The following CCN3 variants were observed in gnomAD, a reference collection of about 807,000 sequenced individuals.
The protein encoded by CCN3 is cellular communication network factor 3.
In CCN3, 20 loss-of-function variants were observed where a neutral mutation model predicts 33.4. That is an observed-to-expected ratio of 0.60 (90% CI 0.42 to 0.87). The LOEUF is 0.87. Ranked by LOEUF, CCN3 falls within the 40% of genes least tolerant of loss-of-function variation. The pLI is 0.00. For missense variants in CCN3, 465 were observed against 455.3 expected (o/e 1.02, Z -0.19); for synonymous variants, 205 against 170.4 (o/e 1.20, Z -1.58).
At position 119,423,039 on chromosome 8, in the gene CCN3, C is replaced by A; in HGVS notation, c.981C>A (p.Val327=). 1 of 1,614,158 alleles carries A rather than the reference C, an allele frequency of 6.2e-7. No homozygotes were observed. Among genetic ancestry groups the A allele is most frequent in the Non-Finnish European group, 8.5e-7 (1 of 1,180,026 alleles). ...PGQIVKKPVM[V]IGTCTCHTNC... is the part of the protein sequence containing the mutation. The stretch of plus-strand genomic sequence containing the variant: ...AAATAGTCAAGAAGCCAGTGATGGT[C>A]ATTGGGACCTGCACCTGTCACACCA... The change falls in exon 5 of 5, where the codon GTC becomes GTA. Residue 327 remains valine, a synonymous_variant. Transcript: ENST00000259526.
chr8:119,419,854 T>C (rs991933952), intron 4 of CCN3: 2 of 154,634 alleles, frequency 1.3e-5, no homozygotes, highest in African/African-American at 4.8e-5. Context: ...TTGTTGGTAT[T>C]TTTAAAAACC....
At position 119,419,252 on chromosome 8, in the gene CCN3, C is replaced by G. The variant is rs779588728; in HGVS notation, c.684C>G (p.Val228=). Residue 228 remains valine (V), a synonymous_variant, in exon 4 of 5, where the codon GTC becomes GTG. Transcript: ENST00000259526. Reference sequence around the variant, plus strand: ...GTGGTATGGGGTTCTCCACCCGGGTCACCAATAGGAACCGTCAATGTGAGA... The same window carrying G: ...GTGGTATGGGGTTCTCCACCCGGGTGACCAATAGGAACCGTCAATGTGAGA... The part of the protein sequence containing the change: ...KSCGMGFSTR[V]TNRNRQCEML... 1.2e-6 allele frequency: 2 copies of G among 1,614,104 alleles called. No homozygotes were observed. The highest frequency in any genetic ancestry group is 2.2e-5 in the South Asian group (2 of 91,080).
chr8:119,419,966 G>A (rs897252517), intron 4 of CCN3: 2 of 152,420 alleles, frequency 1.3e-5, no homozygotes, highest in African/African-American at 4.8e-5. Context: ...AACTCAGTAT[G>A]TTAACACTGA....
At chr8:119,417,504 C>G (rs16892525) in intron 2 of CCN3, among the ~76,000 whole-genome samples, 1 of 152,172 alleles carries the variant, frequency 6.6e-6, no homozygotes, top group African/African-American at 2.4e-5. Flanking sequence ...GCTTCTAAAA[C>G]GTAATCAGTC....
rs1168313796 is a variant in CCN3 at position 119,416,760 on chromosome 8, G to T, written c.101G>T (p.Arg34Leu). The T allele has an allele frequency of 6.3e-7, 1 of 1,589,334 alleles. No individual in the cohort carries two copies. The highest frequency in any genetic ancestry group is 8.6e-7 in the Non-Finnish European group (1 of 1,167,606). Residue 34 changes from arginine to leucine, a missense_variant, in exon 2 of 5, where the codon CGC (arginine) becomes CTC (leucine). Physicochemically the swap from Arg to Leu is moderately radical, Grantham distance 102. Transcript: ENST00000259526. The stretch of plus-strand genomic sequence containing the variant: ...TGCCTTCAGGTCGCTGCGACTCAGC[G>T]CTGCCCTCCCCAGTGCCCGGGCCGG... Reference protein sequence around the residue: ...HLLGQVAATQRCPPQCPGRCP... With the variant: ...HLLGQVAATQLCPPQCPGRCP...
Position 119,416,773 on chromosome 8 carries a change from G to C in CCN3, c.114G>C (p.Gln38His). The C allele has an allele frequency of 1.3e-6, 2 of 1,594,448 alleles. No individual in the cohort carries two copies. The highest frequency in any genetic ancestry group is 1.7e-6 in the Non-Finnish European group (2 of 1,170,408). Residue 38 changes from glutamine (Q) to histidine (H), a missense_variant, in exon 2 of 5, where the codon CAG (glutamine) becomes CAC (histidine). Physicochemically the swap from Gln to His is conservative, Grantham distance 24. Coordinates refer to ENST00000259526, the MANE Select transcript of CCN3 (RefSeq NM_002514.4). Reference protein sequence around the residue: ...QVAATQRCPPQCPGRCPATPP... With the variant: ...QVAATQRCPPHCPGRCPATPP... Reference sequence around the variant, plus strand: ...CTGCGACTCAGCGCTGCCCTCCCCAGTGCCCGGGCCGGTGCCCTGCGACGC... The same window carrying C: ...CTGCGACTCAGCGCTGCCCTCCCCACTGCCCGGGCCGGTGCCCTGCGACGC...
intron 2 of CCN3, 99 bp from the exon 3 acceptor site, chr8:119,417,959 G>A (rs2130452699): frequency 5.4e-6 from 7 of 1,292,872 alleles, no homozygotes; most frequent in Non-Finnish European, 7.6e-6. Context: ...CTTGGGTTTT[G>A]GAACATGCCC....
At position 119,418,223 on chromosome 8, in the gene CCN3, G is replaced by A. The variant is rs1820079699; in HGVS notation, c.476G>A (p.Arg159Lys). The change falls in exon 3 of 5, where the codon AGA becomes AAA. Residue 159 changes from arginine (R) to lysine (K), a missense_variant. By Grantham distance (26) the Arg-to-Lys change is conservative. Transcript: ENST00000259526. ...CCTGAGCCTAACTGCCCAGCTCCAAGAAAAGTTGAGGTGCCTGGAGAGTGC... is the reference window on the plus strand; with the variant it reads ...CCTGAGCCTAACTGCCCAGCTCCAAAAAAAGTTGAGGTGCCTGGAGAGTGC... The part of the protein sequence containing the change: ...LLPEPNCPAP[R>K]KVEVPGECCE... The A allele has an allele frequency of 6.2e-7, 1 of 1,614,094 alleles. No individual in the cohort carries two copies. The highest frequency in any genetic ancestry group is 1.1e-5 in the South Asian group (1 of 91,092).
chr8:119,417,244 A>C (rs940894021), intron 2 of CCN3: 3 of 424,756 alleles, frequency 7.1e-6, no homozygotes, highest in Non-Finnish European at 1.3e-5. Context: ...AGGGGGAGCC[A>C]CGCAGAGTTA....
At chr8:119,419,062 C>A in intron 3 of CCN3, 69 bp from the exon 4 acceptor site, 1 of 1,266,870 alleles carries the variant, frequency 7.9e-7, no homozygotes, top group Non-Finnish European at 1.1e-6. Context: ...CTAATAATGG[C>A]TGAAAAGGAC....
Position 119,422,908 on chromosome 8 carries a change from C to G in CCN3, c.850C>G (p.Leu284Val), listed in dbSNP as rs761296153. The G allele has an allele frequency of 6.2e-7, 1 of 1,614,134 alleles. No individual in the cohort carries two copies. The highest frequency in any genetic ancestry group is 8.5e-7 in the Non-Finnish European group (1 of 1,180,016). ...CCTGCAGTTCAAGAACTGCACCAGCCTGCACACCTACAAGCCCAGGTTCTG... is the reference window on the plus strand; with the variant it reads ...CCTGCAGTTCAAGAACTGCACCAGCGTGCACACCTACAAGCCCAGGTTCTG... ...IHLQFKNCTS[L>V]HTYKPRFCGV... is the part of the protein sequence containing the mutation. Residue 284 changes from leucine (L) to valine (V), a missense_variant, in exon 5 of 5, where the codon CTG becomes GTG. Coordinates refer to ENST00000259526, the MANE Select transcript of CCN3 (RefSeq NM_002514.4).
At chr8:119,419,997 A>G (rs538873738) in intron 4 of CCN3, 1 of 152,402 alleles carries the variant, frequency 6.6e-6, no homozygotes, top group South Asian at 2.1e-4. Context: ...TGCAGTTCAG[A>G]AGCTCTGATT....
chr8:119,417,364 A>T (rs1452492572), intron 2 of CCN3, among the ~76,000 whole-genome samples: 1 of 152,114 alleles, frequency 6.6e-6, no homozygotes, highest in African/African-American at 2.4e-5. Context: ...GTTGGGGAAA[A>T]CCCAGCAGGT....
intron 2 of CCN3, 140 bp downstream of exon 2, chr8:119,417,109 T>C (rs1236816388): frequency 1.2e-5 from 9 of 750,018 alleles, no homozygotes; most frequent in Non-Finnish European, 1.7e-5. Context: ...ATAGAGCACT[T>C]ACTGTGTGTC....
intron 3 of CCN3, 72 bp downstream of exon 3, chr8:119,418,381 T>C: frequency 1.3e-6 from 2 of 1,548,742 alleles, no homozygotes; most frequent in Non-Finnish European, 1.7e-6. Context: ...TTGCAATCTC[T>C]TGGATTTGAA....
In CCN3 at chr8:119,419,340, G is replaced by A; in HGVS notation, c.772G>A (p.Asp258Asn). ...TGAACAAGAGCCAGAGCAGCCAACA[G>A]ATAAGGTAGGAGCCTGGAGGAAACC... ...PCEQEPEQPT[D>N]KKGKKCLRTK... Residue 258 changes from aspartate (D) to asparagine (N), a missense_variant, in exon 4 of 5, where the codon GAT becomes AAT. By Grantham distance (23) the Asp-to-Asn change is conservative. Transcript: ENST00000259526. 1 of 1,613,294 alleles carries A rather than the reference G, an allele frequency of 6.2e-7. No homozygotes were observed. Among genetic ancestry groups the A allele is most frequent in the South Asian group, 1.1e-5 (1 of 91,046 alleles).
rs1820058683 is a variant in CCN3 at position 119,416,900 on chromosome 8, T to C, written c.241T>C (p.Cys81Arg). 4 of 1,613,870 alleles carry C rather than the reference T, an allele frequency of 2.5e-6. No homozygotes were observed. In the African/African-American group the frequency reaches 4.0e-5, roughly 16 times the overall value. ...RGESCSDLEPCDESSGLYCDR... is the reference protein window; with the variant it reads ...RGESCSDLEPRDESSGLYCDR... ...CGAGAGCTGCTCAGATCTGGAGCCA[T>C]GCGACGAGAGCAGTGGCCTCTACTG... Residue 81 changes from cysteine to arginine, a missense_variant, in exon 2 of 5, where the codon TGC becomes CGC. Coordinates refer to ENST00000259526, the MANE Select transcript of CCN3 (RefSeq NM_002514.4).
intron 4 of CCN3, among the ~76,000 whole-genome samples, chr8:119,419,668 A>C (rs1283367090): frequency 2.6e-5 from 4 of 152,240 alleles, no homozygotes; most frequent in Non-Finnish European, 5.9e-5. Context: ...GTTGTCAAGC[A>C]CAGCTGATTC....
intron 4 of CCN3, 64 bp from the exon 5 acceptor site, chr8:119,422,772 C>T: frequency 7.4e-7 from 1 of 1,347,358 alleles, no homozygotes; most frequent in Non-Finnish European, 1.0e-6. Context: ...TAATTCCATA[C>T]TCTAAAATTG....
Sources: gnomAD v4.1 joint callset for allele counts (sites outside exome capture counted in the v4.1 genomes callset) on GRCh38, gnomAD v4.1.1 for gene constraint, MANE v1.5 for transcripts, NCBI Gene and HGNC (gene_info 2026-07-23, HGNC 2026-07-21) for gene names.